The following POLE variants were observed in gnomAD, a reference collection of about 807,000 sequenced individuals.
The protein encoded by POLE is DNA polymerase epsilon, catalytic subunit.
POLE carries 188 observed loss-of-function variants against 279.2 expected under a neutral mutation model. The ratio of observed to expected loss-of-function variants is 0.67; its 90% CI spans 0.60 to 0.76. The LOEUF (loss-of-function observed/expected upper bound fraction) is 0.76, where lower values mean the gene tolerates loss of function less well. Among genes scored for constraint, POLE ranks in the 30% least tolerant of loss-of-function variants. POLE has a pLI of 0.00. For synonymous variants in POLE, 1,214 were observed against 1,172.5 expected, an observed-to-expected ratio of 1.04 and a Z score of -0.72; for missense variants, 2,703 against 3,016.7, an observed-to-expected ratio of 0.90 and a Z score of 2.44.
At chr12:132,640,195 C>T (rs745433636) in intron 39 of POLE, among the ~76,000 whole-genome samples, 4 of 152,168 alleles carry the variant, frequency 2.6e-5, no homozygotes, top group Non-Finnish European at 5.9e-5. Context: ...TCTGACTCTT[C>T]AGTCCTGCCT....
chr12:132,666,721 G>A (rs989617094), intron 20 of POLE, among the ~76,000 whole-genome samples: 1 of 152,226 alleles, frequency 6.6e-6, no homozygotes, highest in Non-Finnish European at 1.5e-5. Flanking sequence ...CAGGGAGGAG[G>A]TGGGGAGCTA....
Position 132,665,375 on chromosome 12 carries a change from C to T in POLE, c.2395G>A (p.Val799Met), listed in dbSNP as rs759786727. Reference sequence around the variant, plus strand: ...GCCAGCTGCAGCGAGTCATACAGCACCTCCATGTTCTTGCAGCGCTTCACC... The same window carrying T: ...GCCAGCTGCAGCGAGTCATACAGCATCTCCATGTTCTTGCAGCGCTTCACC... ...AEVKRCKNME[V>M]LYDSLQLAHK... The change falls in exon 21 of 49, where the codon GTG becomes ATG. Residue 799 changes from valine to methionine, a missense_variant. By Grantham distance (21) the Val-to-Met change is conservative (BLOSUM62 1). This residue lies in a region of POLE where 1,011 missense variants were observed against 1,111.7 expected (regional missense o/e 0.91). Coordinates refer to ENST00000320574, the MANE Select transcript of POLE (RefSeq NM_006231.4). 6.2e-7 allele frequency: 1 copy of T among 1,613,974 alleles called. No individual in the cohort carries two copies. The highest frequency in any genetic ancestry group is 8.5e-7 in the Non-Finnish European group (1 of 1,180,020).
At position 132,642,616 on chromosome 12, in the gene POLE, A is replaced by G. The variant is rs1593731123; in HGVS notation, c.4842T>C (p.Ala1614=). Residue 1614 remains alanine, a synonymous_variant, in exon 37 of 49, where the codon GCT becomes GCC. Coordinates refer to ENST00000320574, the MANE Select transcript of POLE (RefSeq NM_006231.4). ...CCAGGACCCCATAGTTGATCTTGTC[A>G]GCCACACAGATAGGCACCAGTGGGA... The part of the protein sequence containing the change: ...EEFPLVPICV[A]DKINYGVLDW... The G allele has an allele frequency of 6.2e-7, 1 of 1,613,446 alleles. No homozygotes were observed. Among genetic ancestry groups the G allele is most frequent in the Admixed American group, 1.7e-5 (1 of 60,016 alleles).
At chr12:132,669,463 CAGAAAAAAAAAA>C (rs888219728) in intron 16 of POLE, among the ~76,000 whole-genome samples, 6 of 145,252 alleles carry the variant, frequency 4.1e-5, no homozygotes, top group Non-Finnish European at 7.5e-5. Flanking sequence ...GATCCTGTTT[CAGAAAAAAAAAA>C]AGAAAAAGAA....
chr12:132,657,485 G>T (rs1394654934), intron 27 of POLE, 56 bp from the exon 28 acceptor site: 1 of 1,439,138 alleles, frequency 6.9e-7, no homozygotes, highest in Non-Finnish European at 9.8e-7. Context: ...CCAAGAGTGG[G>T]GCTCACTTCA....
In POLE at chr12:132,676,744, G is replaced by A. The variant is rs116423639; in HGVS notation, c.802-91C>T. On this transcript the variant is annotated intron_variant, in intron 8 of 48. Transcript: ENST00000320574. ...CCCCCAGCCTGCTCTACCTCCCTCT[G>A]GTTGTTAAAAGAGTCAAAAGGCTCT... The A allele has an allele frequency of 7.9e-4, 621 of 785,344 alleles. 3 individuals are homozygous for A. In the African/African-American group the frequency reaches 9.0e-3, roughly 11 times the overall value. The allele number at this position is 785,344 out of a possible 1,614,324, so 48.6% of individuals were successfully genotyped here.
rs2041791363 is a variant in POLE at position 132,624,611 on chromosome 12, T to G, written c.*86A>C. ...AGGTTTGGACAGTCAGGGTGGTCAG[T>G]GGTCTGGTCACTGGAAGCACGGGGA... On this transcript the variant is annotated 3_prime_UTR_variant, in exon 49 of 49. Coordinates refer to ENST00000320574, the MANE Select transcript of POLE (RefSeq NM_006231.4). The G allele has an allele frequency of 1.2e-6, 1 of 817,870 alleles. No individual in the cohort carries two copies. 50.7% of individuals were successfully genotyped at this position (817,870 alleles called of 1,614,324 possible). A position where few individuals can be genotyped will look rare whatever the true frequency, so the allele number is the denominator to read the frequency against.
chr12:132,659,213 T>A, intron 26 of POLE, 82 bp downstream of exon 26: 1 of 1,418,752 alleles, frequency 7.0e-7, no homozygotes, highest in South Asian at 1.3e-5. Flanking sequence ...AGGGGAGCCC[T>A]CACCTCTCCG....
rs917058164 is a variant in POLE at position 132,687,179 on chromosome 12, G to C, written c.62+75C>G. The C allele has an allele frequency of 7.3e-6, 7 of 959,978 alleles. No homozygotes were observed. In the Admixed American group the frequency reaches 2.7e-4, roughly 36 times the overall value. 59.5% of individuals were successfully genotyped at this position (959,978 alleles called of 1,614,324 possible). A position where few individuals can be genotyped will look rare whatever the true frequency, so the allele number is the denominator to read the frequency against. ...GGAACCGGGCCTCCCTCCCGCCTCG[G>C]CGGCGCCAGCCGAGGACGGCCCCAT... On this transcript the variant is annotated intron_variant, in intron 1 of 48. Transcript: ENST00000320574.
rs562180042 is a variant in POLE at position 132,675,187 on chromosome 12, C to T, written c.1226+211G>A. ...ACCCCAGAGGCTGATGCTCAATGTGCCTGGTCACTGATGAATTGTCAGTCA... is the reference window on the plus strand; with the variant it reads ...ACCCCAGAGGCTGATGCTCAATGTGTCTGGTCACTGATGAATTGTCAGTCA... On this transcript the variant is annotated intron_variant, in intron 12 of 48. Transcript: ENST00000320574. The surrounding 1 kb of genome is among the most constrained non-coding windows in gnomAD (Gnocchi z 4.3). Among the ~76,000 whole-genome samples, 42 of 152,292 alleles carry T rather than the reference C, an allele frequency of 2.8e-4. No individual in the cohort carries two copies. The highest frequency in any genetic ancestry group is 1.5e-5 in the Non-Finnish European group (1 of 68,020).
In POLE at chr12:132,642,965, G is replaced by A. The variant is rs1292909825; in HGVS notation, c.4583C>T (p.Ala1528Val). The stretch of plus-strand genomic sequence containing the variant: ...GAGGCCGTGCTCTGCTGAGTACAGG[G>A]CGCCAAGGCTGGGCATCTGGTTGCT... Reference protein sequence around the residue: ...VRSNQMPSLGALYSAEHGLLL... With the variant: ...VRSNQMPSLGVLYSAEHGLLL... The change falls in exon 36 of 49, where the codon GCC becomes GTC. Residue 1528 changes from alanine to valine, a missense_variant. Coordinates refer to ENST00000320574, the MANE Select transcript of POLE (RefSeq NM_006231.4). 1.3e-6 allele frequency: 2 copies of A among 1,597,402 alleles called. No homozygotes were observed. Among genetic ancestry groups the A allele is most frequent in the Non-Finnish European group, 1.7e-6 (2 of 1,175,066 alleles).
chr12:132,640,717 C>T (rs2042124069), intron 39 of POLE, among the ~76,000 whole-genome samples: 1 of 152,244 alleles, frequency 6.6e-6, no homozygotes, highest in African/African-American at 2.4e-5. Flanking sequence ...AGGTCCAAGT[C>T]CCATTCCTAA....
intron 32 of POLE, among the ~76,000 whole-genome samples, chr12:132,646,918 C>T (rs1195848429): frequency 1.3e-5 from 2 of 152,098 alleles, no homozygotes; most frequent in Non-Finnish European, 2.9e-5. Context: ...AGGCTGGTCT[C>T]GAATGCCTGA....
In POLE at chr12:132,668,125, A is replaced by C. The variant is rs2042837451; in HGVS notation, c.2173+231T>G. Among the ~76,000 whole-genome samples the C allele has an allele frequency of 6.6e-6, 1 of 152,098 alleles. No individual in the cohort carries two copies. Reference sequence around the variant, plus strand: ...AATAGGACAGCCCAGGGGTAGGAACAGGCCAAATACCCCAAGACCACAGAG... The same window carrying C: ...AATAGGACAGCCCAGGGGTAGGAACCGGCCAAATACCCCAAGACCACAGAG... On this transcript the variant is annotated intron_variant, in intron 19 of 48. Coordinates refer to ENST00000320574, the MANE Select transcript of POLE (RefSeq NM_006231.4). The surrounding 1 kb of genome is among the most constrained non-coding windows in gnomAD (Gnocchi z 4.0).
In POLE at chr12:132,661,586, C is replaced by T. The variant is rs1390815327; in HGVS notation, c.2805G>A (p.Gly935=). 1.2e-6 allele frequency: 2 copies of T among 1,614,070 alleles called. No individual in the cohort carries two copies. The highest frequency in any genetic ancestry group is 1.7e-6 in the Non-Finnish European group (2 of 1,180,036). ...CTGGAAGAATCATGGCAAGGTAGGG[C>T]CCATCAACCTCAAAAAAGATGCTGT... ...SENSIFFEVD[G]PYLAMILPAS... The change falls in exon 24 of 49, where the codon GGG becomes GGA. Residue 935 remains glycine (G), a synonymous_variant. Transcript: ENST00000320574. The surrounding 1 kb of genome is among the most constrained non-coding windows in gnomAD (Gnocchi z 4.1).
At chr12:132,626,424 T>C (rs1304790470) in intron 45 of POLE, 107 bp from the exon 46 acceptor site, 3 of 1,034,026 alleles carry the variant, frequency 2.9e-6, no homozygotes, top group Non-Finnish European at 4.3e-6. Context: ...TGGTGTCCTT[T>C]CCTCCCTTCC....
intron 25 of POLE, chr12:132,660,717 C>G: frequency 3.1e-6 from 1 of 322,742 alleles, no homozygotes; most frequent in African/African-American, 2.1e-5. Context: ...GCTGGGACCA[C>G]AGGCACGCAT....
rs1296917701 is a variant in POLE at position 132,664,585 on chromosome 12, G to C, written c.2469-123C>G. 7 of 733,800 alleles carry C rather than the reference G, an allele frequency of 9.5e-6. No individual in the cohort carries two copies. Among genetic ancestry groups the C allele is most frequent in the Non-Finnish European group, 1.7e-5 (7 of 418,368 alleles). The allele number at this position is 733,800 out of a possible 1,614,324, so 45.5% of individuals were successfully genotyped here. Reference sequence around the variant, plus strand: ...ACAGGGACAAGGGAAGCAGCCAAATGTGCGTGCACCAGGACAGAACTAAGG... The same window carrying C: ...ACAGGGACAAGGGAAGCAGCCAAATCTGCGTGCACCAGGACAGAACTAAGG... On this transcript the variant is annotated intron_variant, in intron 21 of 48. Coordinates refer to ENST00000320574, the MANE Select transcript of POLE (RefSeq NM_006231.4). This position sits in a 1 kb window ranked among gnomAD's most constrained non-coding sequence, Gnocchi z 5.3.
Position 132,664,426 on chromosome 12 carries a change from G to C in POLE, c.2505C>G (p.Val835=), listed in dbSNP as rs878854852. ...TGATGATGTTGGCCCCTGTGAAGCA[G>C]ACGATGCCAGCCATCTCCATGGAGT... is the stretch of plus-strand genomic sequence containing the variant. ...RWYSMEMAGI[V]CFTGANIITQ... is the part of the protein sequence containing the mutation. The change falls in exon 22 of 49, where the codon GTC becomes GTG. Residue 835 remains valine (V), a synonymous_variant. Transcript: ENST00000320574. The surrounding 1 kb of genome is among the most constrained non-coding windows in gnomAD (Gnocchi z 5.3). 1.2e-6 allele frequency: 2 copies of C among 1,614,102 alleles called. No homozygotes were observed.
Sources: gnomAD v4.1 joint callset for allele counts (sites outside exome capture counted in the v4.1 genomes callset) on GRCh38, gnomAD v4.1.1 for gene constraint, gnomAD v4.1.1 regional missense constraint, Gnocchi (gnomAD v3.1) non-coding constraint, MANE v1.5 for transcripts, NCBI Gene and HGNC (gene_info 2026-07-23, HGNC 2026-07-21) for gene names.